TRIM55: variants seen among roughly 807,000 people sequenced by gnomAD.
TRIM55 encodes tripartite motif containing 55.
In TRIM55, 50 loss-of-function variants were observed where a neutral mutation model predicts 60.9. The observed-to-expected ratio is 0.82, with a 90% CI of 0.65 to 1.04. The LOEUF (loss-of-function observed/expected upper bound fraction) is 1.04, where lower values mean the gene tolerates loss of function less well. Among genes scored for constraint, TRIM55 ranks in the 50% least tolerant of loss-of-function variants. TRIM55 has a pLI of 0.00. For missense variants in TRIM55, 681 were observed against 666.9 expected (o/e 1.02, Z -0.23); for synonymous variants, 237 against 238.1 (o/e 1.00, Z 0.04).
At chr8:66,130,558 G>C (rs1191160413) in intron 2 of TRIM55, among the ~76,000 whole-genome samples, 7 of 149,952 alleles carry the variant, frequency 4.7e-5, no homozygotes, top group Admixed American at 2.0e-4. Context: ...TATTGGAAGG[G>C]GGTCGGGGGG....
At chr8:66,124,035 C>T (rs1009116794), upstream of TRIM55, among the ~76,000 whole-genome samples, 1 of 152,192 alleles carries the variant, frequency 6.6e-6, no homozygotes, top group Non-Finnish European at 1.5e-5. Context: ...CTGTCTCTGA[C>T]TCACTCTGCA....
the TRIM55 span, chr8:66,113,581 C>A: frequency 3.3e-5 from 15 of 456,326 alleles, 1 homozygote; most frequent in South Asian, 2.3e-4. Context: ...CCATTTTGGG[C>A]CTCCCAGCCT....
intron 5 of TRIM55, 48 bp downstream of exon 5, chr8:66,149,926 G>T: frequency 7.1e-7 from 1 of 1,399,860 alleles, no homozygotes; most frequent in Non-Finnish European, 1.0e-6. Context: ...GGTGGGTGTT[G>T]GAAAATTAGT....
rs186813527 is a variant in TRIM55 at position 66,128,165 on chromosome 8, A to G, written c.169-139A>G. 7,599 of 773,876 alleles carry G rather than the reference A, an allele frequency of 9.8e-3. 54 individuals carry two copies. The highest frequency in any genetic ancestry group is 0.012 in the Non-Finnish European group (6,080 of 494,290). The allele number at this position is 773,876 out of a possible 1,614,324, so 47.9% of individuals were successfully genotyped here. A position where few individuals can be genotyped will look rare whatever the true frequency, so the allele number is the denominator to read the frequency against. ...CCCTGTGTTTCAGGACCACTTGCTG[A>G]GAAAGCCCTGAGGGATGATCTTATG... is the stretch of plus-strand genomic sequence containing the variant. On this transcript the variant is annotated intron_variant, in intron 1 of 9. Transcript: ENST00000315962.
At chr8:66,150,530 G>A (rs1810357177) in intron 7 of TRIM55, 64 bp downstream of exon 7, 1 of 1,597,294 alleles carries the variant, frequency 6.3e-7, no homozygotes, top group Non-Finnish European at 8.6e-7. Flanking sequence ...GAAGAGTTGG[G>A]TGGGAGGAAA....
intron 9 of TRIM55, among the ~76,000 whole-genome samples, 193 bp from the exon 10 acceptor site, chr8:66,174,278 A>G (rs1028975016): frequency 6.6e-6 from 1 of 151,772 alleles, no homozygotes; most frequent in African/African-American, 2.4e-5. Flanking sequence ...AATTATTTTC[A>G]TGACTCTTGG....
At chr8:66,149,082 G>T (rs577496546) in intron 4 of TRIM55, among the ~76,000 whole-genome samples, 1 of 152,184 alleles carries the variant, frequency 6.6e-6, no homozygotes, top group East Asian at 1.9e-4. Flanking sequence ...AAAAAAACAT[G>T]ATTAGAACTG....
the TRIM55 span, among the ~76,000 whole-genome samples, chr8:66,119,175 C>G: frequency 1.3e-5 from 2 of 152,162 alleles, no homozygotes; most frequent in Non-Finnish European, 2.9e-5. Context: ...ATGTTCTTTC[C>G]CTGTTTTAAT....
At chr8:66,147,794 C>CAAAAAAAA in intron 4 of TRIM55, among the ~76,000 whole-genome samples, 1 of 44,192 alleles carries the variant, frequency 2.3e-5, no homozygotes. Context: ...GACTCCATCT[C>CAAAAAAAA]AAAAAAAAAA....
At chr8:66,163,666 T>A (rs1811167359) in intron 9 of TRIM55, among the ~76,000 whole-genome samples, 2 of 152,326 alleles carry the variant, frequency 1.3e-5, no homozygotes, top group South Asian at 4.1e-4. Flanking sequence ...CTTTTTAAGT[T>A]TATTAAGATT....
At chr8:66,144,914 T>C (rs1417855640) in intron 4 of TRIM55, among the ~76,000 whole-genome samples, 1 of 152,214 alleles carries the variant, frequency 6.6e-6, no homozygotes, top group Non-Finnish European at 1.5e-5. Flanking sequence ...CCTATTCCAT[T>C]TTTCAGGCTG....
chr8:66,162,573 G>C (rs992204839), intron 9 of TRIM55, among the ~76,000 whole-genome samples: 2 of 150,940 alleles, frequency 1.3e-5, no homozygotes, highest in Non-Finnish European at 3.0e-5. Context: ...TCTCTCTTTT[G>C]GAGTAGGGTC....
intron 3 of TRIM55, among the ~76,000 whole-genome samples, chr8:66,136,732 T>C (rs1256683130): frequency 6.6e-6 from 1 of 152,214 alleles, no homozygotes; most frequent in Non-Finnish European, 1.5e-5. Flanking sequence ...AATGAGTATT[T>C]ACTATACACA....
chr8:66,122,547 A>T (rs1293654737), upstream of TRIM55, among the ~76,000 whole-genome samples: 1 of 152,182 alleles, frequency 6.6e-6, no homozygotes, highest in Non-Finnish European at 1.5e-5. Flanking sequence ...CAACCTTGGC[A>T]AAATTAACTT....
At chr8:66,169,078 T>C (rs1194519526) in intron 9 of TRIM55, among the ~76,000 whole-genome samples, 1 of 152,092 alleles carries the variant, frequency 6.6e-6, no homozygotes, top group East Asian at 1.9e-4. Flanking sequence ...ACTTAGAGAC[T>C]CAAAGGCACT....
chr8:66,120,696 A>G, the TRIM55 span, among the ~76,000 whole-genome samples: 6 of 152,210 alleles, frequency 3.9e-5, no homozygotes, highest in South Asian at 1.2e-3. Flanking sequence ...CTCCACTGGG[A>G]GAGGACATGG....
chr8:66,173,285 C>T (rs554754957), intron 9 of TRIM55, among the ~76,000 whole-genome samples: 4 of 152,244 alleles, frequency 2.6e-5, no homozygotes, highest in Non-Finnish European at 4.4e-5. Context: ...AAAGGATTAT[C>T]CCAAAGCCAT....
In TRIM55 at chr8:66,174,640, G is replaced by A. The variant is rs1586275428; in HGVS notation, c.*47G>A. The A allele has an allele frequency of 1.3e-6, 2 of 1,515,870 alleles. No homozygotes were observed. The highest frequency in any genetic ancestry group is 2.5e-5 in the South Asian group (2 of 80,766). The allele number at this position is 1,515,870 out of a possible 1,614,324, so 93.9% of individuals were successfully genotyped here. ...CTCTGTCTGCCTGGCTGAGATGCATGTGGGCAGCAGGAAGCCCAAGTGAAA... is the reference window on the plus strand; with the variant it reads ...CTCTGTCTGCCTGGCTGAGATGCATATGGGCAGCAGGAAGCCCAAGTGAAA... On this transcript the variant is annotated 3_prime_UTR_variant, in exon 10 of 10. Coordinates refer to ENST00000315962, the MANE Select transcript of TRIM55 (RefSeq NM_184085.2).
rs2128988192 is a variant in TRIM55 at position 66,174,531 on chromosome 8, G to C, written c.1585G>C (p.Ala529Pro). 6 of 1,611,788 alleles carry C rather than the reference G, an allele frequency of 3.7e-6. No homozygotes were observed. The highest frequency in any genetic ancestry group is 2.7e-5 in the African/African-American group (2 of 74,922). The change falls in exon 10 of 10, where the codon GCT (alanine) becomes CCT (proline). Residue 529 changes from alanine to proline, a missense_variant. Ala to Pro is a conservative substitution (Grantham distance 27, BLOSUM62 -1). Coordinates refer to ENST00000315962, the MANE Select transcript of TRIM55 (RefSeq NM_184085.2). ...TGCAGCTCCAGCGAGTGGCAGTGGA[G>C]CTGATTCTGAGCCAGCTCGCCATAT... The part of the protein sequence containing the change: ...QAAAPASGSG[A>P]DSEPARHIFS...
Sources: gnomAD v4.1 joint callset for allele counts (sites outside exome capture counted in the v4.1 genomes callset) on GRCh38, gnomAD v4.1.1 for gene constraint, MANE v1.5 for transcripts, NCBI Gene and HGNC (gene_info 2026-07-23, HGNC 2026-07-21) for gene names.